The following STT3B variants were observed in gnomAD, a reference collection of about 807,000 sequenced individuals.
STT3B encodes the protein dolichyl-diphosphooligosaccharide--protein glycosyltransferase subunit STT3B.
In STT3B, 29 loss-of-function variants were observed where a neutral mutation model predicts 96.8. The observed-to-expected ratio is 0.30, with a 90% CI of 0.22 to 0.41. The LOEUF (loss-of-function observed/expected upper bound fraction) is 0.41, where lower values mean the gene tolerates loss of function less well. Among genes scored for constraint, STT3B ranks in the 10% least tolerant of loss-of-function variants. The pLI is 1.00. For missense variants in STT3B, 640 were observed against 1,022.3 expected, an observed-to-expected ratio of 0.63 and a Z score of 5.10; for synonymous variants, 367 against 360.0, an observed-to-expected ratio of 1.02 and a Z score of -0.22.
intron 8 of STT3B, among the ~76,000 whole-genome samples, chr3:31,618,672 T>C (rs1699363908): frequency 6.6e-6 from 1 of 152,072 alleles, no homozygotes; most frequent in Non-Finnish European, 1.5e-5. Flanking sequence ...TGCTTTCTGA[T>C]GTGATACCAG....
At chr3:31,631,952 C>A (rs1240181507) in intron 14 of STT3B, among the ~76,000 whole-genome samples, 1 of 151,976 alleles carries the variant, frequency 6.6e-6, no homozygotes, top group Non-Finnish European at 1.5e-5. Context: ...ACCTCCTGGG[C>A]TCAGTTGATC....
rs1307726012 is a variant in STT3B, at chr3:31,619,731, A to G, written c.1228A>G (p.Thr410Ala). 6.2e-7 allele frequency: 1 copy of G among 1,613,800 alleles called. No homozygotes were observed. The highest frequency in any genetic ancestry group is 8.5e-7 in the Non-Finnish European group (1 of 1,179,910). Reference protein sequence around the residue: ...IASVSEHQPTTWVSFFFDLHI... With the variant: ...IASVSEHQPTAWVSFFFDLHI... ...ATCAGTGTCTGAGCATCAACCTACGACTTGGGTGTCTTTCTTCTTTGATCT... is the reference window on the plus strand; with the variant it reads ...ATCAGTGTCTGAGCATCAACCTACGGCTTGGGTGTCTTTCTTCTTTGATCT... The change falls in exon 9 of 16, where the codon ACT becomes GCT. Residue 410 changes from threonine to alanine, a missense_variant. Coordinates refer to ENST00000295770, the MANE Select transcript of STT3B (RefSeq NM_178862.3).
At chr3:31,543,535 CATAATA>C (rs1398289224) in intron 1 of STT3B, among the ~76,000 whole-genome samples, 2 of 152,104 alleles carry the variant, frequency 1.3e-5, no homozygotes. Flanking sequence ...ATGTTTTGGT[CATAATA>C]GTAATAGTAC....
chr3:31,597,931 G>T (rs1306967138), intron 4 of STT3B, among the ~76,000 whole-genome samples: 1 of 151,680 alleles, frequency 6.6e-6, no homozygotes, highest in Non-Finnish European at 1.5e-5. Context: ...GGCCTCCTGG[G>T]TTCAAGCTAT....
At chr3:31,547,518 T>C (rs2125438260) in intron 1 of STT3B, among the ~76,000 whole-genome samples, 1 of 152,190 alleles carries the variant, frequency 6.6e-6, no homozygotes, top group Non-Finnish European at 1.5e-5. Context: ...TGGTGGTGCA[T>C]GCCTGTAATC....
At chr3:31,564,362 T>C (rs1252685601) in intron 1 of STT3B, among the ~76,000 whole-genome samples, 2 of 152,208 alleles carry the variant, frequency 1.3e-5, no homozygotes, top group Non-Finnish European at 2.9e-5. Flanking sequence ...AGTTGGAAGA[T>C]TGATTCCTTC....
At chr3:31,607,011 G>C (rs1388097060) in intron 5 of STT3B, among the ~76,000 whole-genome samples, 4 of 152,164 alleles carry the variant, frequency 2.6e-5, no homozygotes, top group Non-Finnish European at 5.9e-5. Context: ...AGATTTGACT[G>C]CCCTGCTGGA....
At chr3:31,577,789 C>T (rs1698294075) in intron 2 of STT3B, among the ~76,000 whole-genome samples, 1 of 152,130 alleles carries the variant, frequency 6.6e-6, no homozygotes. Context: ...ATGGGTAGTA[C>T]ATACGGCAGA....
chr3:31,629,424 C>T lies in STT3B; in HGVS notation c.2187+13C>T, dbSNP rs764713710. On this transcript the variant is annotated intron_variant, in intron 14 of 15. Transcript: ENST00000295770. ...TGGAGAAATGCAGGTTAGTTAAATC[C>T]ATTTTTCTCTAATTTTCATTCAAAA... is the stretch of plus-strand genomic sequence containing the variant. 2 of 1,386,678 alleles carry T rather than the reference C, an allele frequency of 1.4e-6. No individual in the cohort carries two copies. The highest frequency in any genetic ancestry group is 1.9e-5 in the Admixed American group (1 of 51,762). 85.9% of individuals were successfully genotyped at this position (1,386,678 alleles called of 1,614,324 possible).
intron 9 of STT3B, among the ~76,000 whole-genome samples, chr3:31,621,494 A>C: frequency 6.6e-6 from 1 of 152,250 alleles, no homozygotes; most frequent in East Asian, 1.9e-4. Context: ...CACATGACTC[A>C]CTGAATTTGT....
At position 31,616,936 on chromosome 3, in the gene STT3B, T is replaced by C; in HGVS notation, c.984T>C (p.Phe328=). ...ACCCTTTTCTTTAATTAGGTGTCTT[T>C]GCATTGCTGCAAGCTTATGCTTTCT... ...TSEHMAAAGV[F]ALLQAYAFLQ... is the part of the protein sequence containing the mutation. The change falls in exon 7 of 16, where the codon TTT becomes TTC. Residue 328 remains phenylalanine (F), a synonymous_variant. Coordinates refer to ENST00000295770, the MANE Select transcript of STT3B (RefSeq NM_178862.3). 6.2e-7 allele frequency: 1 copy of C among 1,604,446 alleles called. No individual in the cohort carries two copies. The highest frequency in any genetic ancestry group is 1.3e-5 in the African/African-American group (1 of 74,852).
chr3:31,568,476 A>G (rs1182904060), intron 1 of STT3B, among the ~76,000 whole-genome samples: 1 of 152,156 alleles, frequency 6.6e-6, no homozygotes, highest in Non-Finnish European at 1.5e-5. Flanking sequence ...ATTTCCACCA[A>G]CAGTATAGGA....
intron 1 of STT3B, among the ~76,000 whole-genome samples, chr3:31,572,296 CCAAA>C (rs1326909897): frequency 3.4e-5 from 5 of 148,508 alleles, no homozygotes; most frequent in Non-Finnish European, 7.4e-5. Flanking sequence ...CTCTTAGGCC[CCAAA>C]CAAACTTCTG....
intron 1 of STT3B, among the ~76,000 whole-genome samples, chr3:31,554,550 G>C (rs1697644616): frequency 6.6e-6 from 1 of 152,170 alleles, no homozygotes; most frequent in South Asian, 2.1e-4. Context: ...CGCGTCAGCA[G>C]CTCCAAGGTG....
chr3:31,575,603 G>A (rs1020865013), intron 1 of STT3B, among the ~76,000 whole-genome samples: 1 of 152,014 alleles, frequency 6.6e-6, no homozygotes, highest in Non-Finnish European at 1.5e-5. Context: ...GGGGTATAAG[G>A]ATTTCCTGTT....
chr3:31,534,579 C>G (rs932046520), intron 1 of STT3B, among the ~76,000 whole-genome samples: 4 of 152,116 alleles, frequency 2.6e-5, no homozygotes, highest in Non-Finnish European at 5.9e-5. Flanking sequence ...GAGTTACTAA[C>G]TATATAGATA....
In STT3B at chr3:31,622,212, G is replaced by A. The variant is rs1239805433; in HGVS notation, c.1443G>A (p.Glu481=). The change falls in exon 10 of 16, where the codon GAG becomes GAA. Residue 481 remains glutamate (E), a synonymous_variant. Coordinates refer to ENST00000295770, the MANE Select transcript of STT3B (RefSeq NM_178862.3). ...LSAIAFSNVF[E]HYLGDDMKRE... ...CAATTGCCTTTTCAAATGTTTTTGA[G>A]CACTATTTGGGGGATGACATGAAAA... is the stretch of plus-strand genomic sequence containing the variant. The A allele has an allele frequency of 6.2e-7, 1 of 1,614,090 alleles. No individual in the cohort carries two copies.
intron 1 of STT3B, among the ~76,000 whole-genome samples, chr3:31,545,833 A>T (rs1203289701): frequency 7.1e-4 from 93 of 130,830 alleles, no homozygotes; most frequent in African/African-American, 2.6e-3. Flanking sequence ...TTTTTTTTTT[A>T]AGCTCATCAG....
chr3:31,584,453 A>G (rs539428481), intron 3 of STT3B, among the ~76,000 whole-genome samples: 3 of 152,010 alleles, frequency 2.0e-5, no homozygotes, highest in African/African-American at 7.2e-5. Context: ...TGTTCATTAC[A>G]TCTTTTTTTT....
Sources: allele counts gnomAD v4.1 joint callset (sites outside exome capture counted in the v4.1 genomes callset), GRCh38; gene constraint gnomAD v4.1.1; transcripts MANE v1.5; gene names NCBI Gene and HGNC (gene_info 2026-07-23, HGNC 2026-07-21).